Variants in MYO18A observed in about 807,000 individuals in gnomAD.
The protein encoded by MYO18A is myosin XVIIIA, also known as unconventional myosin-XVIIIa.
MYO18A carries 78 observed loss-of-function variants against 235.8 expected under a neutral mutation model. That is an observed-to-expected ratio of 0.33 (90% CI 0.28 to 0.40). The LOEUF (loss-of-function observed/expected upper bound fraction) is 0.40, where lower values mean the gene tolerates loss of function less well. Ranked by LOEUF, MYO18A falls within the 10% of genes least tolerant of loss-of-function variation. The probability of loss-of-function intolerance (pLI) is 1.00; values close to 1 mark genes in which losing one functional copy is unlikely to be tolerated. For synonymous variants in MYO18A, 977 were observed against 1,077.8 expected (o/e 0.91, Z 1.83); for missense variants, 2,215 against 2,699.3 (o/e 0.82, Z 3.98).
chr17:29,107,480 A>C, intron 19 of MYO18A: 7 of 343,710 alleles, frequency 2.0e-5, no homozygotes, highest in East Asian at 6.0e-5. Flanking sequence ...AGGTATGCAA[A>C]TGGGGGGTTG....
Position 29,096,915 on chromosome 17 carries a change from G to A in MYO18A, c.4231C>T (p.Leu1411Phe). 6.4e-7 allele frequency: 1 copy of A among 1,562,138 alleles called. No individual in the cohort carries two copies. Among genetic ancestry groups the A allele is most frequent in the Non-Finnish European group, 8.7e-7 (1 of 1,154,824 alleles). The change falls in exon 28 of 42, where the codon CTC (leucine) becomes TTC (phenylalanine). Residue 1411 changes from leucine (L) to phenylalanine (F), a missense_variant and splice_region_variant. Transcript: ENST00000527372. ...TCACTATCTGCCTGCAGGTCCCCGA[G>A]CTAGGGGCCAAGATGGGGTGCATAT... The part of the protein sequence containing the change: ...QQNKRQLERR[L>F]GDLQADSEES...
Position 29,094,087 on chromosome 17 carries a change from T to C in MYO18A, c.4714A>G (p.Lys1572Glu). 2 of 1,604,312 alleles carry C rather than the reference T, an allele frequency of 1.2e-6. No homozygotes were observed. The highest frequency in any genetic ancestry group is 1.7e-6 in the Non-Finnish European group (2 of 1,175,708). ...TCCATCTCCATCTCCAGACGCAGCT[T>C]GGCCTGGAGGTGGTTGGAGTAGGGT... Reference protein sequence around the residue: ...AGTIQMLEQAKLRLEMEMERM... With the variant: ...AGTIQMLEQAELRLEMEMERM... The change falls in exon 31 of 42, where the codon AAG (lysine) becomes GAG (glutamate). Residue 1572 changes from lysine to glutamate, a missense_variant. Transcript: ENST00000527372.
Position 29,093,412 on chromosome 17 carries a change from C to T in MYO18A, c.4837G>A (p.Val1613Met), listed in dbSNP as rs776398477. The T allele has an allele frequency of 2.5e-6, 4 of 1,611,416 alleles. No homozygotes were observed. Among genetic ancestry groups the T allele is most frequent in the Middle Eastern group, 1.6e-4 (1 of 6,062 alleles). Residue 1613 changes from valine (V) to methionine (M), a missense_variant, in exon 32 of 42, where the codon GTG (valine) becomes ATG (methionine). Coordinates refer to ENST00000527372, the MANE Select transcript of MYO18A (RefSeq NM_078471.4). Reference protein sequence around the residue: ...SCQKKLKQMEVQLEEEYEDKQ... With the variant: ...SCQKKLKQMEMQLEEEYEDKQ... ...TCCTCATACTCTTCCTCTAGCTGCA[C>T]CTCCATCTGTTTTAACTGGAGTACC...
At chr17:29,077,202 T>C (rs983414939) in intron 41 of MYO18A, 3 of 152,274 alleles carry the variant, frequency 2.0e-5, no homozygotes, top group Middle Eastern at 3.2e-3. Flanking sequence ...TAGCCATTCT[T>C]AGTGGCTTCC....
At chr17:29,116,138 C>A (rs2067053899) in intron 11 of MYO18A, among the ~76,000 whole-genome samples, 1 of 152,242 alleles carries the variant, frequency 6.6e-6, no homozygotes, top group African/African-American at 2.4e-5. Flanking sequence ...GGATGCCCAA[C>A]TAGGGGAAGG....
rs149646067 is a variant in MYO18A at position 29,140,777 on chromosome 17, C to G, written c.1000-18524G>C. Among the ~76,000 whole-genome samples, 15 of 152,116 alleles carry G rather than the reference C, an allele frequency of 9.9e-5. No individual in the cohort carries two copies. The South Asian group carries it at 3.1e-3, about 32-fold the overall frequency. On this transcript the variant is annotated intron_variant, in intron 2 of 41. Transcript: ENST00000527372. The surrounding 1 kb of genome is among the most constrained non-coding windows in gnomAD (Gnocchi z 4.2). ...AGGCCAAGCTTGAGACAAGCACATGCGCACTCATGTGCATGTACACGTATA... is the reference window on the plus strand; with the variant it reads ...AGGCCAAGCTTGAGACAAGCACATGGGCACTCATGTGCATGTACACGTATA...
rs371453299 is a variant in MYO18A at position 29,074,926 on chromosome 17, G to A, written c.6021-12C>T. On this transcript the variant is annotated splice_polypyrimidine_tract_variant and intron_variant, in intron 41 of 41. Transcript: ENST00000527372. The surrounding 1 kb of genome is among the most constrained non-coding windows in gnomAD (Gnocchi z 4.4). Reference sequence around the variant, plus strand: ...AGTAGCTGGTGGGGCTGCAGGGACCGAGGAATAAGGTTAGGGACAAATGAC... The same window carrying A: ...AGTAGCTGGTGGGGCTGCAGGGACCAAGGAATAAGGTTAGGGACAAATGAC... The A allele has an allele frequency of 2.2e-5, 36 of 1,613,750 alleles. No individual in the cohort carries two copies. Among genetic ancestry groups the A allele is most frequent in the Middle Eastern group, 1.6e-4 (1 of 6,082 alleles).
chr17:29,119,277 A>G (rs1219399106), intron 8 of MYO18A, 58 bp downstream of exon 8: 3 of 1,345,198 alleles, frequency 2.2e-6, no homozygotes, highest in Non-Finnish European at 3.1e-6. Flanking sequence ...AAGGTCCAGG[A>G]GCCCAGTCAG....
At chr17:29,173,435 C>T (rs1237817797) in intron 1 of MYO18A, among the ~76,000 whole-genome samples, 4 of 143,802 alleles carry the variant, frequency 2.8e-5, no homozygotes, top group Non-Finnish European at 3.0e-5. Context: ...TTCACCAGGC[C>T]AGAGTGCAGT....
At chr17:29,080,207 C>T in intron 41 of MYO18A, 1 of 986,046 alleles carries the variant, frequency 1.0e-6, no homozygotes, top group Non-Finnish European at 1.2e-6. Flanking sequence ...TCCTCGGAGT[C>T]GGGCTCCAGG....
intron 2 of MYO18A, among the ~76,000 whole-genome samples, chr17:29,164,167 G>A (rs1012830570): frequency 4.6e-5 from 7 of 152,214 alleles, no homozygotes; most frequent in African/African-American, 1.7e-4. Flanking sequence ...TGGGATTACA[G>A]GCGTGAGCCA....
At chr17:29,122,287 C>T in intron 2 of MYO18A, 34 bp from the exon 3 acceptor site, 1 of 1,576,868 alleles carries the variant, frequency 6.3e-7, no homozygotes, top group Non-Finnish European at 8.6e-7. Context: ...ACAGGCCCTG[C>T]TATGGAAGAC....
intron 23 of MYO18A, 43 bp downstream of exon 23, chr17:29,098,783 T>A: frequency 6.2e-7 from 1 of 1,610,168 alleles, no homozygotes; most frequent in Admixed American, 1.7e-5. Context: ...CCAGCAAGGC[T>A]TCCCCCTACC....
chr17:29,089,375 C>A (rs1396094266), intron 37 of MYO18A, among the ~76,000 whole-genome samples: 1 of 115,726 alleles, frequency 8.6e-6, no homozygotes. Context: ...GAGCCGAGAT[C>A]GTACCACTGC....
In MYO18A at chr17:29,166,848, T is replaced by C. The variant is rs967619840; in HGVS notation, c.93A>G (p.Ala31=). 1.3e-6 allele frequency: 2 copies of C among 1,574,152 alleles called. No homozygotes were observed. The highest frequency in any genetic ancestry group is 1.7e-6 in the Non-Finnish European group (2 of 1,160,468). ...KKEKKERMSA[A]ELRSLEEMSL... ...TCATCTCCTCCAGGCTCCGAAGCTCTGCCGCTGACATCCGCTCCTTTTTCT... is the reference window on the plus strand; with the variant it reads ...TCATCTCCTCCAGGCTCCGAAGCTCCGCCGCTGACATCCGCTCCTTTTTCT... The change falls in exon 2 of 42, where the codon GCA becomes GCG. Residue 31 remains alanine (A), a synonymous_variant. Transcript: ENST00000527372.
At chr17:29,116,517 TCAATAGAGCTC>T in intron 10 of MYO18A, 62 bp from the exon 11 acceptor site, 1 of 1,608,958 alleles carries the variant, frequency 6.2e-7, no homozygotes, top group South Asian at 1.1e-5. Context: ...CAAACAGTCA[TCAATAGAGCTC>T]GCCGCCTCGG....
At chr17:29,179,743 C>A (rs1390806560) in intron 1 of MYO18A, among the ~76,000 whole-genome samples, 1 of 152,184 alleles carries the variant, frequency 6.6e-6, no homozygotes, top group Admixed American at 6.5e-5. Context: ...CCCAGGGAAG[C>A]GGGGTCTCCA....
intron 2 of MYO18A, among the ~76,000 whole-genome samples, chr17:29,142,040 G>A (rs1440274625): frequency 3.3e-5 from 5 of 152,228 alleles, no homozygotes; most frequent in Non-Finnish European, 5.9e-5. Flanking sequence ...CGCCTCCCGG[G>A]TTCACGCCAT....
rs2066144150 is a variant in MYO18A, at chr17:29,082,458, A to C, written c.5898-20T>G. 2 of 1,609,882 alleles carry C rather than the reference A, an allele frequency of 1.2e-6. No homozygotes were observed. The highest frequency in any genetic ancestry group is 1.7e-6 in the Non-Finnish European group (2 of 1,178,362). ...CCCTCACTGTAGGGATGAGGAGCAG[A>C]AAGGTAGACAAGGCATAGGCACCTG... On this transcript the variant is annotated intron_variant, in intron 40 of 41. Coordinates refer to ENST00000527372, the MANE Select transcript of MYO18A (RefSeq NM_078471.4).
Sources: gnomAD v4.1 joint callset for allele counts (sites outside exome capture counted in the v4.1 genomes callset) on GRCh38, gnomAD v4.1.1 for gene constraint, Gnocchi (gnomAD v3.1) non-coding constraint, MANE v1.5 for transcripts, NCBI Gene and HGNC (gene_info 2026-07-23, HGNC 2026-07-21) for gene names.